Variants in PEAK1 observed in about 807,000 individuals in gnomAD.
PEAK1 encodes the protein pseudopodium enriched atypical kinase 1, also known as inactive tyrosine-protein kinase PEAK1.
A neutral mutation model predicts 124.7 loss-of-function variants in PEAK1; 54 were observed. The observed-to-expected ratio is 0.43, with a 90% CI of 0.35 to 0.54. PEAK1 has a LOEUF of 0.54. Among genes scored for constraint, PEAK1 ranks in the 20% least tolerant of loss-of-function variants. The probability of loss-of-function intolerance (pLI) is 0.01; values close to 1 mark genes in which losing one functional copy is unlikely to be tolerated. For synonymous variants in PEAK1, 719 were observed against 760.0 expected, an observed-to-expected ratio of 0.95 and a Z score of 0.89; for missense variants, 2,046 against 2,134.5, an observed-to-expected ratio of 0.96 and a Z score of 0.82.
intron 2 of PEAK1, chr15:77,335,114 C>T: frequency 4.1e-6 from 4 of 985,432 alleles, no homozygotes; most frequent in Non-Finnish European, 4.8e-6. Flanking sequence ...TTCACAAATG[C>T]TTCTGGTCAA....
rs749253044 is a variant in PEAK1, at chr15:77,114,107, G to C, written c.*49C>G. The C allele has an allele frequency of 2.5e-6, 4 of 1,571,700 alleles. No homozygotes were observed. Among genetic ancestry groups the C allele is most frequent in the Non-Finnish European group, 3.5e-6 (4 of 1,149,276 alleles). ...AGCACTAGGGAGGGGAAGTGCATGGGTGACATGAAGAAGGTGAAGATGTAG... is the reference window on the plus strand; with the variant it reads ...AGCACTAGGGAGGGGAAGTGCATGGCTGACATGAAGAAGGTGAAGATGTAG... On this transcript the variant is annotated 3_prime_UTR_variant, in exon 10 of 10. Coordinates refer to ENST00000682557, the MANE Select transcript of PEAK1 (RefSeq NM_001385026.1).
At chr15:77,306,599 T>G (rs1288209740) in intron 2 of PEAK1, among the ~76,000 whole-genome samples, 1 of 152,186 alleles carries the variant, frequency 6.6e-6, no homozygotes, top group Non-Finnish European at 1.5e-5. Flanking sequence ...ATTCCTTTTA[T>G]AGACTGGCTG....
At chr15:77,198,960 A>G (rs1034686002) in intron 6 of PEAK1, among the ~76,000 whole-genome samples, 8 of 152,148 alleles carry the variant, frequency 5.3e-5, no homozygotes, top group Non-Finnish European at 1.0e-4. Flanking sequence ...TTGTGGGGGG[A>G]AAAAGCCACC....
intron 7 of PEAK1, among the ~76,000 whole-genome samples, chr15:77,167,138 A>G (rs1474707585): frequency 1.3e-5 from 2 of 152,248 alleles, no homozygotes; most frequent in Admixed American, 1.3e-4. Context: ...CAAGGTGTGA[A>G]AAGTGAATAG....
intron 1 of PEAK1, among the ~76,000 whole-genome samples, chr15:77,414,385 ATT>A (rs35794181): frequency 7.3e-5 from 9 of 122,616 alleles, no homozygotes; most frequent in Admixed American, 8.2e-5. Flanking sequence ...AATTTTTTGT[ATT>A]TTTTTTTTTT....
chr15:77,279,286 G>A (rs1190945888), intron 5 of PEAK1, among the ~76,000 whole-genome samples: 2 of 152,086 alleles, frequency 1.3e-5, no homozygotes, highest in Non-Finnish European at 2.9e-5. Context: ...TGGATCTCAG[G>A]AGGAGGGATT....
intron 1 of PEAK1, among the ~76,000 whole-genome samples, chr15:77,398,948 C>T (rs957516401): frequency 1.3e-4 from 19 of 151,778 alleles, no homozygotes; most frequent in African/African-American, 4.6e-4. Context: ...AAAAAAGTAG[C>T]ATTTCTACAT....
chr15:77,113,859 C>T lies in PEAK1; in HGVS notation c.*297G>A. Reference sequence around the variant, plus strand: ...GTTCATACCAAAGAAGCTGTCCCTTCAAGAATATGGATTTTCATTTTTACC... The same window carrying T: ...GTTCATACCAAAGAAGCTGTCCCTTTAAGAATATGGATTTTCATTTTTACC... On this transcript the variant is annotated 3_prime_UTR_variant, in exon 10 of 10. Coordinates refer to ENST00000682557, the MANE Select transcript of PEAK1 (RefSeq NM_001385026.1). 2.6e-6 allele frequency: 1 copy of T among 378,344 alleles called. No individual in the cohort carries two copies. Among genetic ancestry groups the T allele is most frequent in the Non-Finnish European group, 4.8e-6 (1 of 208,514 alleles). 23.4% of individuals were successfully genotyped at this position (378,344 alleles called of 1,614,324 possible).
chr15:77,105,788 G>A (rs2050745194), downstream of PEAK1: 1 of 152,338 alleles, frequency 6.6e-6, no homozygotes, highest in Non-Finnish European at 1.5e-5. Flanking sequence ...ATTCTCTGTG[G>A]CTTAGGTTGA....
rs2053040645 is a variant in PEAK1 at position 77,133,340 on chromosome 15, A to C, written c.3742T>G (p.Ser1248Ala). 6.2e-7 allele frequency: 1 copy of C among 1,614,200 alleles called. No homozygotes were observed. Residue 1248 changes from serine (S) to alanine (A), a missense_variant, in exon 9 of 10, where the codon TCC becomes GCC. Ser to Ala is a moderately conservative substitution (Grantham distance 99). Transcript: ENST00000682557. This position sits in a 1 kb window ranked among gnomAD's most constrained non-coding sequence, Gnocchi z 4.2. ...CTGGAGAGGGATTCCATGCTGTTGG[A>C]AAATCTATCCTTAATACTGAGAGTG... is the stretch of plus-strand genomic sequence containing the variant. Reference protein sequence around the residue: ...LTTLSIKDRFSNSMESLSSRR... With the variant: ...LTTLSIKDRFANSMESLSSRR...
At chr15:77,280,178 G>C (rs1182359088) in intron 5 of PEAK1, among the ~76,000 whole-genome samples, 3 of 151,896 alleles carry the variant, frequency 2.0e-5, no homozygotes, top group Non-Finnish European at 2.9e-5. Flanking sequence ...TCAGTCTCTA[G>C]TAAATACACA....
At chr15:77,380,882 A>T (rs1320629866) in intron 1 of PEAK1, among the ~76,000 whole-genome samples, 1 of 152,188 alleles carries the variant, frequency 6.6e-6, no homozygotes, top group Non-Finnish European at 1.5e-5. Context: ...CACTTTCATC[A>T]ACCCAAAACT....
chr15:77,192,703 T>G (rs1813933008), intron 6 of PEAK1, among the ~76,000 whole-genome samples: 1 of 152,170 alleles, frequency 6.6e-6, no homozygotes, highest in African/African-American at 2.4e-5. Context: ...TTTCCATTCC[T>G]ATCGTAACCA....
At chr15:77,355,342 A>AT (rs1244814976) in intron 2 of PEAK1, among the ~76,000 whole-genome samples, 1 of 152,246 alleles carries the variant, frequency 6.6e-6, no homozygotes, top group Non-Finnish European at 1.5e-5. Context: ...ATACATACTT[A>AT]TTATAAGTAA....
chr15:77,374,248 T>A (rs1027492608), intron 1 of PEAK1, among the ~76,000 whole-genome samples: 2 of 152,178 alleles, frequency 1.3e-5, no homozygotes, highest in African/African-American at 4.8e-5. Flanking sequence ...CAGTTAATTA[T>A]AAATGGCATG....
Position 77,407,904 on chromosome 15 carries a change from C to T in PEAK1, c.-666+12102G>A, listed in dbSNP as rs200309788. On this transcript the variant is annotated intron_variant, in intron 1 of 9. Coordinates refer to ENST00000682557, the MANE Select transcript of PEAK1 (RefSeq NM_001385026.1). ...CATGATATATATATATATATATACA[C>T]ATATATATACACATATATACATATA... Among the ~76,000 whole-genome samples the T allele has an allele frequency of 1.3e-4, 17 of 131,836 alleles. No homozygotes were observed. The South Asian group carries it at 1.9e-3, about 15-fold the overall frequency. 86.5% of individuals were successfully genotyped at this position (131,836 alleles called of 152,430 possible).
intron 1 of PEAK1, among the ~76,000 whole-genome samples, chr15:77,370,231 C>G (rs1473235401): frequency 6.6e-6 from 1 of 152,320 alleles, no homozygotes; most frequent in African/African-American, 2.4e-5. Context: ...CTTTCTCCAC[C>G]TATCCAAATT....
intron 5 of PEAK1, among the ~76,000 whole-genome samples, chr15:77,258,775 GGTGAGAGAGGGCATCCCTGTCTT>G (rs1332214973): frequency 6.6e-6 from 1 of 152,186 alleles, no homozygotes; most frequent in Non-Finnish European, 1.5e-5. Flanking sequence ...GAATAGGAGT[GGTGAGAGAGGGCATCCCTGTCTT>G]GTGCCAGTTT....
rs2067133135 is a variant in PEAK1, at chr15:77,350,357, T to G, written c.-603+14806A>C. 3 of 985,292 alleles carry G rather than the reference T, an allele frequency of 3.0e-6. No homozygotes were observed. The South Asian group carries it at 1.4e-4, about 46-fold the overall frequency. The allele number at this position is 985,292 out of a possible 1,614,324, so 61.0% of individuals were successfully genotyped here. ...GGCCAGAGAGTATCATCAAATTAAC[T>G]ACTTAGCTCAGTTCACAAGACTTCA... On this transcript the variant is annotated intron_variant, in intron 2 of 9. Transcript: ENST00000682557.
Sources: allele counts gnomAD v4.1 joint callset (sites outside exome capture counted in the v4.1 genomes callset), GRCh38; gene constraint gnomAD v4.1.1; non-coding constraint Gnocchi (gnomAD v3.1); transcripts MANE v1.5; gene names NCBI Gene and HGNC (gene_info 2026-07-23, HGNC 2026-07-21).